Variants in SETX observed in about 807,000 individuals in gnomAD.
The protein encoded by SETX is senataxin.
Under a neutral mutation model 227.2 loss-of-function variants are expected in SETX, and 90 were observed. That is an observed-to-expected ratio of 0.40 (90% CI 0.33 to 0.47). The LOEUF (loss-of-function observed/expected upper bound fraction) is 0.47, where lower values mean the gene tolerates loss of function less well. Ranked by LOEUF, SETX falls within the 20% of genes least tolerant of loss-of-function variation. SETX has a pLI of 0.91. For missense variants in SETX, 3,052 were observed against 3,181.5 expected, an observed-to-expected ratio of 0.96 and a Z score of 0.98; for synonymous variants, 1,210 against 1,113.2, an observed-to-expected ratio of 1.09 and a Z score of -1.73.
chr9:132,276,971 G>T, intron 22 of SETX, 89 bp downstream of exon 22: 2 of 1,119,472 alleles, frequency 1.8e-6, no homozygotes, highest in Non-Finnish European at 1.4e-6. Flanking sequence ...AGAGAGATGT[G>T]TATAGGAAAT....
At chr9:132,349,703 C>T (rs1748904548) in intron 2 of SETX, among the ~76,000 whole-genome samples, 1 of 152,188 alleles carries the variant, frequency 6.6e-6, no homozygotes, top group African/African-American at 2.4e-5. Flanking sequence ...ACAGAGAAGG[C>T]TCAAAACAAC....
At chr9:132,347,670 CAA>C (rs77513867) in intron 3 of SETX, among the ~76,000 whole-genome samples, 47 of 135,556 alleles carry the variant, frequency 3.5e-4, no homozygotes, top group Non-Finnish European at 2.9e-4. Flanking sequence ...CAACTACATT[CAA>C]AAAAAAAAAA....
chr9:132,335,882 T>TA (rs1254406182), intron 6 of SETX, among the ~76,000 whole-genome samples: 1 of 152,178 alleles, frequency 6.6e-6, no homozygotes, highest in Non-Finnish European at 1.5e-5. Context: ...CTGAGAACTA[T>TA]AAAATCCTAT....
At position 132,329,379 on chromosome 9, in the gene SETX, A is replaced by G; in HGVS notation, c.2219T>C (p.Ile740Thr). 6.2e-7 allele frequency: 1 copy of G among 1,613,978 alleles called. No homozygotes were observed. Among genetic ancestry groups the G allele is most frequent in the Non-Finnish European group, 8.5e-7 (1 of 1,179,978 alleles). Residue 740 changes from isoleucine to threonine, a missense_variant, in exon 10 of 26, where the codon ATA (isoleucine) becomes ACA (threonine). Coordinates refer to ENST00000224140, the MANE Select transcript of SETX (RefSeq NM_015046.7). Reference sequence around the variant, plus strand: ...AGTCAACAAACGTGTTGATACTATTATTCCTCTGTCACATCCCCTTTCTGG... The same window carrying G: ...AGTCAACAAACGTGTTGATACTATTGTTCCTCTGTCACATCCCCTTTCTGG... ...NGPERGCDRG[I>T]IVSTRLLTDS...
At chr9:132,287,039 A>G (rs1015606251) in intron 17 of SETX, among the ~76,000 whole-genome samples, 1 of 152,194 alleles carries the variant, frequency 6.6e-6, no homozygotes, top group African/African-American at 2.4e-5. Flanking sequence ...CAAATTATGG[A>G]GTGGAGAAAT....
At chr9:132,291,158 CCTTT>C (rs1320815900) in intron 15 of SETX, among the ~76,000 whole-genome samples, 4 of 140,680 alleles carry the variant, frequency 2.8e-5, no homozygotes, top group Admixed American at 7.1e-5. Flanking sequence ...GGTTTGAAAA[CCTTT>C]TTTTTTTTTT....
chr9:132,346,238 T>C (rs1848278052), intron 4 of SETX, 23 bp downstream of exon 4: 2 of 1,567,386 alleles, frequency 1.3e-6, no homozygotes, highest in East Asian at 2.2e-5. Flanking sequence ...TGATATAACT[T>C]GAGGAACCAT....
At position 132,263,289 on chromosome 9, in the gene SETX, G is replaced by C. The variant is rs1783537056; in HGVS notation, c.*950C>G. ...TCCCTTGGGAAATGTTGAACACACA[G>C]CTTCCCAGGCTTTCTGGAAAACTAG... On this transcript the variant is annotated 3_prime_UTR_variant, in exon 26 of 26. Transcript: ENST00000224140. 6.6e-6 allele frequency: 1 copy of C among 152,170 alleles called. No individual in the cohort carries two copies. Among genetic ancestry groups the C allele is most frequent in the African/African-American group, 2.4e-5 (1 of 41,430 alleles). The allele number at this position is 152,170 out of a possible 1,614,324, so 9.4% of individuals were successfully genotyped here. A position where few individuals can be genotyped will look rare whatever the true frequency, so the allele number is the denominator to read the frequency against.
At position 132,318,797 on chromosome 9, in the gene SETX, A is replaced by G. The variant is rs567418361; in HGVS notation, c.5275-6941T>C. On this transcript the variant is annotated intron_variant, in intron 10 of 25. Coordinates refer to ENST00000224140, the MANE Select transcript of SETX (RefSeq NM_015046.7). ...TTTCTGCCCTGCACCACAAGGTAAC[A>G]TAAGGGTAGTACTCTAGCCCAGGGT... Among the ~76,000 whole-genome samples the G allele has an allele frequency of 7.2e-5, 11 of 152,308 alleles. No homozygotes were observed. The South Asian group carries it at 2.1e-3, about 29-fold the overall frequency.
intron 10 of SETX, 74 bp downstream of exon 10, chr9:132,326,250 C>T (rs1846744582): frequency 1.7e-6 from 2 of 1,183,242 alleles, no homozygotes; most frequent in Middle Eastern, 2.2e-4. Context: ...GAACTATACT[C>T]TCATTTTCAC....
chr9:132,265,061 A>G (rs1842572293), intron 25 of SETX, 76 bp from the exon 26 acceptor site: 1 of 1,525,860 alleles, frequency 6.6e-7, no homozygotes, highest in African/African-American at 1.4e-5. Context: ...TCCAGCTTTC[A>G]TTTCTGAACA....
chr9:132,286,935 T>C (rs1033215373), intron 17 of SETX, among the ~76,000 whole-genome samples: 2 of 152,196 alleles, frequency 1.3e-5, no homozygotes, highest in Non-Finnish European at 2.9e-5. Context: ...GAGAAAGACT[T>C]TCTCTCCCTC....
At chr9:132,309,092 C>T (rs1229620611) in intron 11 of SETX, among the ~76,000 whole-genome samples, 2 of 151,998 alleles carry the variant, frequency 1.3e-5, no homozygotes, top group Non-Finnish European at 2.9e-5. Flanking sequence ...GAGCCAGGAT[C>T]GCGCCACTGC....
chr9:132,294,668 C>T (rs1844563941), intron 15 of SETX, among the ~76,000 whole-genome samples: 1 of 152,218 alleles, frequency 6.6e-6, no homozygotes, highest in Admixed American at 6.5e-5. Flanking sequence ...TTGGCAGGAC[C>T]TAGAAACTTT....
intron 15 of SETX, among the ~76,000 whole-genome samples, chr9:132,289,412 T>C (rs1460845227): frequency 6.6e-6 from 1 of 152,180 alleles, no homozygotes; most frequent in Non-Finnish European, 1.5e-5. Flanking sequence ...TTTATTTCAA[T>C]AAATAGTGTG....
At chr9:132,354,859 G>C (rs1236813519) in intron 1 of SETX, 58 bp downstream of exon 1, 1 of 152,428 alleles carries the variant, frequency 6.6e-6, no homozygotes, top group Non-Finnish European at 1.5e-5. Context: ...GCAAGCACAA[G>C]CCGCGCCTGC....
At chr9:132,275,854 C>T (rs1206295403) in intron 22 of SETX, among the ~76,000 whole-genome samples, 1 of 152,162 alleles carries the variant, frequency 6.6e-6, no homozygotes, top group Non-Finnish European at 1.5e-5. Flanking sequence ...GTATGATCTT[C>T]CTTGTCCCTC....
intron 25 of SETX, among the ~76,000 whole-genome samples, chr9:132,268,454 T>C (rs557808629): frequency 2.0e-4 from 30 of 152,354 alleles, no homozygotes; most frequent in African/African-American, 7.0e-4. Flanking sequence ...TGAGCTGTGA[T>C]TGTGCCACTG....
chr9:132,345,948 G>A (rs2131555637), intron 4 of SETX, among the ~76,000 whole-genome samples: 1 of 152,284 alleles, frequency 6.6e-6, no homozygotes, highest in East Asian at 1.9e-4. Flanking sequence ...GAGCCCAGGA[G>A]GTAGAGGCTG....
Sources: gnomAD v4.1 joint callset for allele counts (sites outside exome capture counted in the v4.1 genomes callset) on GRCh38, gnomAD v4.1.1 for gene constraint, MANE v1.5 for transcripts, NCBI Gene and HGNC (gene_info 2026-07-23, HGNC 2026-07-21) for gene names.